KLF15: variants seen among roughly 807,000 people sequenced by gnomAD.
The protein encoded by KLF15 is KLF transcription factor 15.
A neutral mutation model predicts 24.6 loss-of-function variants in KLF15; 4 were observed. That is an observed-to-expected ratio of 0.16 (90% CI 0.08 to 0.37). KLF15 has a LOEUF of 0.37. Ranked by LOEUF, KLF15 falls within the 10% of genes least tolerant of loss-of-function variation. The pLI is 1.00. For synonymous variants in KLF15, 246 were observed against 236.3 expected (o/e 1.04, Z -0.37); for missense variants, 496 against 560.6 (o/e 0.88, Z 1.16).
chr3:126,339,378 C>A (rs1402194562), downstream of KLF15, among the ~76,000 whole-genome samples: 1 of 152,170 alleles, frequency 6.6e-6, no homozygotes, highest in East Asian at 1.9e-4. Context: ...TCCTGGTGCC[C>A]TCCCACTACA....
chr3:126,289,693 A>G, the KLF15 span, among the ~76,000 whole-genome samples: 1 of 152,214 alleles, frequency 6.6e-6, no homozygotes. Context: ...AGGGCTTACC[A>G]TGTTAATATC....
chr3:126,323,447 T>TATATA, the KLF15 span, among the ~76,000 whole-genome samples: 2 of 52,222 alleles, frequency 3.8e-5, 1 homozygote, highest in South Asian at 1.1e-3. Context: ...CATATATATG[T>TATATA]TATATATATA....
intron 2 of KLF15, among the ~76,000 whole-genome samples, chr3:126,345,945 T>C (rs921242022): frequency 3.5e-4 from 53 of 152,208 alleles, no homozygotes; most frequent in African/African-American, 1.3e-3. Context: ...AAGCTCAGGG[T>C]GCTGAGGGCC....
At chr3:126,308,508 G>A in the KLF15 span, among the ~76,000 whole-genome samples, 1 of 152,314 alleles carries the variant, frequency 6.6e-6, no homozygotes, top group Admixed American at 6.5e-5. Context: ...CGCAGGCAGT[G>A]CTGACACAGA....
chr3:126,290,417 C>T, the KLF15 span, among the ~76,000 whole-genome samples: 8 of 152,212 alleles, frequency 5.3e-5, no homozygotes, highest in Non-Finnish European at 8.8e-5. Flanking sequence ...GGCCCACCAG[C>T]ACCCTGTGGT....
At chr3:126,324,803 G>GTT in the KLF15 span, among the ~76,000 whole-genome samples, 1 of 26,076 alleles carries the variant, frequency 3.8e-5, no homozygotes, top group African/African-American at 1.7e-4. Context: ...TTTTTTTTTC[G>GTT]CTCTTTTTTT....
chr3:126,343,857 G>C lies in KLF15; in HGVS notation c.1121C>G (p.Ser374Trp), dbSNP rs763199066. The change falls in exon 3 of 3, where the codon TCG becomes TGG. Residue 374 changes from serine (S) to tryptophan (W), a missense_variant. Ser to Trp is a radical substitution (Grantham distance 177). This residue lies in a region of KLF15 where 59 missense variants were observed against 106.1 expected (regional missense o/e 0.56). Coordinates refer to ENST00000296233, the MANE Select transcript of KLF15 (RefSeq NM_014079.4). ...CTGGTACGGCTTCACACCTGAGTGCGAGCGCCTGTGCCGCGACAGCTCGTC... is the reference window on the plus strand; with the variant it reads ...CTGGTACGGCTTCACACCTGAGTGCCAGCGCCTGTGCCGCGACAGCTCGTC... The part of the protein sequence containing the change: ...RSDELSRHRR[S>W]HSGVKPYQCP... 3 of 1,604,056 alleles carry C rather than the reference G, an allele frequency of 1.9e-6. No individual in the cohort carries two copies. Among genetic ancestry groups the C allele is most frequent in the Non-Finnish European group, 2.5e-6 (3 of 1,176,750 alleles).
intron 2 of KLF15, 22 bp downstream of exon 2, chr3:126,351,819 G>A (rs370768063): frequency 1.2e-5 from 19 of 1,602,408 alleles, no homozygotes; most frequent in Middle Eastern, 3.5e-4. Context: ...CACTGCCCAG[G>A]CCTGTCACTC....
chr3:126,350,607 G>A lies in KLF15; in HGVS notation c.1082+1234C>T, dbSNP rs538440375. Among the ~76,000 whole-genome samples, 3 of 152,358 alleles carry A rather than the reference G, an allele frequency of 2.0e-5. No individual in the cohort carries two copies. The South Asian group carries it at 6.2e-4, about 32-fold the overall frequency. ...CAAGAGCTCTCAGAACCAGAGTATG[G>A]TCAAGAAAACAAAAGCTGCAAACTG... On this transcript the variant is annotated intron_variant, in intron 2 of 2. Coordinates refer to ENST00000296233, the MANE Select transcript of KLF15 (RefSeq NM_014079.4).
the KLF15 span, among the ~76,000 whole-genome samples, chr3:126,301,825 G>T: frequency 6.6e-6 from 1 of 151,802 alleles, no homozygotes; most frequent in Non-Finnish European, 1.5e-5. Context: ...ATGTTGACCA[G>T]GCTGGTGTTG....
the KLF15 span, among the ~76,000 whole-genome samples, chr3:126,296,414 A>G: frequency 9.8e-5 from 15 of 152,326 alleles, no homozygotes; most frequent in East Asian, 2.1e-3. Flanking sequence ...TCACCATGTT[A>G]GCCAGGATGG....
Position 126,356,070 on chromosome 3 carries a change from G to A in KLF15, c.-26+1167C>T, listed in dbSNP as rs1212795509. On this transcript the variant is annotated intron_variant, in intron 1 of 2. Coordinates refer to ENST00000296233, the MANE Select transcript of KLF15 (RefSeq NM_014079.4). This position sits in a 1 kb window ranked among gnomAD's most constrained non-coding sequence, Gnocchi z 4.4. Reference sequence around the variant, plus strand: ...CCAGGCCTGCTGTTTATCCTCCCGGGGACACAGCGGCTGCAGGAACAACAT... The same window carrying A: ...CCAGGCCTGCTGTTTATCCTCCCGGAGACACAGCGGCTGCAGGAACAACAT... Among the ~76,000 whole-genome samples the A allele has an allele frequency of 6.6e-6, 1 of 152,180 alleles. No individual in the cohort carries two copies. Among genetic ancestry groups the A allele is most frequent in the African/African-American group, 2.4e-5 (1 of 41,458 alleles).
the KLF15 span, among the ~76,000 whole-genome samples, chr3:126,299,879 G>C: frequency 6.6e-6 from 1 of 151,960 alleles, no homozygotes; most frequent in Non-Finnish European, 1.5e-5. Flanking sequence ...AGCCCACCCT[G>C]CAGACACCCT....
the KLF15 span, among the ~76,000 whole-genome samples, chr3:126,307,219 C>G: frequency 1.3e-5 from 2 of 152,184 alleles, no homozygotes; most frequent in East Asian, 1.9e-4. Context: ...TCCCCTCCCC[C>G]ACTCCCAAAG....
At chr3:126,335,259 C>G in the KLF15 span, among the ~76,000 whole-genome samples, 17 of 147,176 alleles carry the variant, frequency 1.2e-4, no homozygotes, top group Non-Finnish European at 2.4e-4. Flanking sequence ...GGATGCAAGG[C>G]TGGTTCAACA....
intron 2 of KLF15, among the ~76,000 whole-genome samples, chr3:126,351,268 G>A (rs1266435112): frequency 6.6e-6 from 1 of 152,236 alleles, no homozygotes; most frequent in African/African-American, 2.4e-5. Flanking sequence ...GGAAGCATAG[G>A]CGAGGCCCAG....
At chr3:126,345,764 C>G (rs116216744) in intron 2 of KLF15, among the ~76,000 whole-genome samples, 3,005 of 152,198 alleles carry the variant, frequency 0.02, 75 homozygotes, top group African/African-American at 0.064. Flanking sequence ...AAGGACCCAG[C>G]AGAACATGCT....
chr3:126,297,821 T>C, the KLF15 span, among the ~76,000 whole-genome samples: 1 of 152,244 alleles, frequency 6.6e-6, no homozygotes, highest in African/African-American at 2.4e-5. Context: ...CATGTTTATA[T>C]ACCACATTTT....
At chr3:126,333,829 C>T in the KLF15 span, among the ~76,000 whole-genome samples, 5 of 142,110 alleles carry the variant, frequency 3.5e-5, no homozygotes, top group African/African-American at 1.3e-4. Context: ...CAAAGAAGGC[C>T]ATTACATAAT....
Sources: gnomAD v4.1 joint callset for allele counts (sites outside exome capture counted in the v4.1 genomes callset) on GRCh38, gnomAD v4.1.1 for gene constraint, gnomAD v4.1.1 regional missense constraint, Gnocchi (gnomAD v3.1) non-coding constraint, MANE v1.5 for transcripts, NCBI Gene and HGNC (gene_info 2026-07-23, HGNC 2026-07-21) for gene names.